PCDH15: variants seen among roughly 807,000 people sequenced by gnomAD.
PCDH15 encodes the protein protocadherin-15.
A neutral mutation model predicts 178.5 loss-of-function variants in PCDH15; 129 were observed. That is an observed-to-expected ratio of 0.72 (90% CI 0.63 to 0.84). PCDH15 has a LOEUF of 0.84. Ranked by LOEUF, PCDH15 falls within the 40% of genes least tolerant of loss-of-function variation. PCDH15 has a pLI of 0.00. For synonymous variants in PCDH15, 800 were observed against 732.0 expected, an observed-to-expected ratio of 1.09 and a Z score of -1.50; for missense variants, 2,230 against 2,099.9, an observed-to-expected ratio of 1.06 and a Z score of -1.21.
rs1457563897 is a variant in PCDH15 at position 54,317,319 on chromosome 10, A to T, written c.828T>A (p.Asp276Glu). Reference protein sequence around the residue: ...LPCVLVPNTRDCRPLTYQAAI... With the variant: ...LPCVLVPNTRECRPLTYQAAI... ...CAGCTTGATAAGTGAGTGGACGGCA[A>T]TCACGAGTGTTTGGCACAAGGACAC... Residue 276 changes from aspartate (D) to glutamate (E), a missense_variant, in exon 8 of 38, where the codon GAT (aspartate) becomes GAA (glutamate). Coordinates refer to ENST00000644397, the MANE Select transcript of PCDH15 (RefSeq NM_001384140.1). The T allele has an allele frequency of 6.2e-7, 1 of 1,613,860 alleles. No homozygotes were observed. Among genetic ancestry groups the T allele is most frequent in the Non-Finnish European group, 8.5e-7 (1 of 1,179,934 alleles).
chr10:54,445,090 A>G (rs2076065987), intron 3 of PCDH15, among the ~76,000 whole-genome samples: 1 of 150,900 alleles, frequency 6.6e-6, no homozygotes, highest in Non-Finnish European at 1.5e-5. Flanking sequence ...CCATCTTTTC[A>G]TATGTCATGA....
At chr10:54,840,333 TAG>T (rs368405455) in intron 3 of PCDH15, among the ~76,000 whole-genome samples, 11 of 152,088 alleles carry the variant, frequency 7.2e-5, no homozygotes, top group African/African-American at 1.4e-4. Flanking sequence ...TGTAAAAGTG[TAG>T]AGTTTTTATA....
intron 2 of PCDH15, among the ~76,000 whole-genome samples, chr10:54,997,078 C>T (rs928110225): frequency 6.7e-6 from 1 of 148,182 alleles, no homozygotes; most frequent in East Asian, 2.0e-4. Flanking sequence ...CACTGCACTC[C>T]AGCCTGAGCA....
At chr10:54,287,796 T>C (rs1268551791) in intron 8 of PCDH15, among the ~76,000 whole-genome samples, 1 of 152,178 alleles carries the variant, frequency 6.6e-6, no homozygotes, top group Non-Finnish European at 1.5e-5. Flanking sequence ...GCCAAATGAA[T>C]AGACAGTTGG....
At chr10:55,475,478 A>C (rs1420210066) in intron 2 of PCDH15, among the ~76,000 whole-genome samples, 2 of 152,188 alleles carry the variant, frequency 1.3e-5, no homozygotes, top group Non-Finnish European at 2.9e-5. Context: ...AAATGTATAC[A>C]GGTTAAGCAT....
chr10:55,082,751 A>C, intron 2 of PCDH15, among the ~76,000 whole-genome samples: 1 of 151,896 alleles, frequency 6.6e-6, no homozygotes, highest in East Asian at 1.9e-4. Flanking sequence ...GAAATTCAAA[A>C]GATAATTAGA....
rs146553767 is a variant in PCDH15, at chr10:54,767,539, T to TGGGAA, written c.-29+33381_-29+33385dup. The stretch of plus-strand genomic sequence containing the variant: ...AAACTTCTTTCCTAAGAGTACAGTA[T>TGGGAA]GGGAAGGGGGAAGAACAGTGACATC... On this transcript the variant is annotated intron_variant, in intron 1 of 37. Transcript: ENST00000644397. 7.7e-3 allele frequency among the ~76,000 whole-genome samples: 1,177 copies of TGGGAA among 152,158 alleles called. 9 individuals are homozygous for TGGGAA. The highest frequency in any genetic ancestry group is 0.026 in the African/African-American group (1,081 of 41,468).
intron 2 of PCDH15, among the ~76,000 whole-genome samples, chr10:54,976,654 A>G (rs1296013185): frequency 6.6e-6 from 1 of 152,220 alleles, no homozygotes; most frequent in Admixed American, 6.6e-5. Flanking sequence ...GGTCTCATCT[A>G]TAGGAGCAAC....
chr10:55,579,554 T>C (rs985113985), intron 2 of PCDH15, among the ~76,000 whole-genome samples: 1 of 152,232 alleles, frequency 6.6e-6, no homozygotes, highest in Admixed American at 6.5e-5. Context: ...CACTGTCTTA[T>C]GTTTTTTCTA....
intron 2 of PCDH15, among the ~76,000 whole-genome samples, chr10:54,951,559 C>T (rs1422457452): frequency 6.6e-6 from 1 of 151,798 alleles, no homozygotes; most frequent in African/African-American, 2.4e-5. Context: ...TAGTTTTCAC[C>T]ACATATGGGC....
intron 8 of PCDH15, among the ~76,000 whole-genome samples, chr10:54,272,387 A>C (rs951609209): frequency 6.6e-6 from 1 of 152,050 alleles, no homozygotes; most frequent in Non-Finnish European, 1.5e-5. Context: ...ATTTATGTTT[A>C]TATGCAGCTA....
chr10:54,240,867 G>A (rs138186414), intron 8 of PCDH15, among the ~76,000 whole-genome samples: 3,722 of 151,958 alleles, frequency 0.024, 99 homozygotes, highest in Admixed American at 0.083. Flanking sequence ...TCTTGACCTC[G>A]TGATTCACCC....
intron 3 of PCDH15, among the ~76,000 whole-genome samples, chr10:54,838,829 A>G (rs976051365): frequency 2.0e-5 from 3 of 152,152 alleles, no homozygotes; most frequent in African/African-American, 7.2e-5. Context: ...GCAATCTGGA[A>G]GCAGTTCTGC....
chr10:55,601,004 A>C (rs1245641638), intron 2 of PCDH15, among the ~76,000 whole-genome samples: 1 of 152,112 alleles, frequency 6.6e-6, no homozygotes, highest in Admixed American at 6.6e-5. Context: ...GTAGCAAAAG[A>C]GAAAAGTTAG....
At chr10:54,509,981 T>C (rs2081503041) in intron 3 of PCDH15, among the ~76,000 whole-genome samples, 1 of 152,144 alleles carries the variant, frequency 6.6e-6, no homozygotes, top group Non-Finnish European at 1.5e-5. Context: ...GCACTTAGGA[T>C]GTAAAAACTT....
chr10:55,532,192 A>G (rs949254370), intron 2 of PCDH15, among the ~76,000 whole-genome samples: 2 of 152,066 alleles, frequency 1.3e-5, no homozygotes, highest in African/African-American at 2.4e-5. Flanking sequence ...AGGACATAGC[A>G]TATTGGTACA....
chr10:54,059,260 C>T (rs1344938176), intron 18 of PCDH15, among the ~76,000 whole-genome samples: 2 of 152,050 alleles, frequency 1.3e-5, no homozygotes, highest in East Asian at 3.9e-4. Flanking sequence ...TAAACATGAA[C>T]ATTTGACAAG....
rs553580539 is a variant in PCDH15, at chr10:53,941,015, T to C, written c.3123-40A>G. 6.6e-6 allele frequency: 9 copies of C among 1,358,934 alleles called. No homozygotes were observed. The African/African-American group carries it at 1.0e-4, about 15-fold the overall frequency. The allele number at this position is 1,358,934 out of a possible 1,614,324, so 84.2% of individuals were successfully genotyped here. A position where few individuals can be genotyped will look rare whatever the true frequency, so the allele number is the denominator to read the frequency against. ...AAGATGATGTATTTATTTTTAAATA[T>C]AATTTTTGATGTAACTTTACGTTCA... is the stretch of plus-strand genomic sequence containing the variant. On this transcript the variant is annotated intron_variant, in intron 23 of 37. Transcript: ENST00000644397.
chr10:54,245,465 A>C (rs1311027557), intron 8 of PCDH15, among the ~76,000 whole-genome samples: 1 of 152,146 alleles, frequency 6.6e-6, no homozygotes, highest in Non-Finnish European at 1.5e-5. Flanking sequence ...TTACCAAATA[A>C]AGCTTTGGAA....
Sources: allele counts gnomAD v4.1 joint callset (sites outside exome capture counted in the v4.1 genomes callset), GRCh38; gene constraint gnomAD v4.1.1; transcripts MANE v1.5; gene names NCBI Gene and HGNC (gene_info 2026-07-23, HGNC 2026-07-21).